The following PVR variants were observed in gnomAD, a reference collection of about 807,000 sequenced individuals.
The protein encoded by PVR is poliovirus receptor.
PVR carries 39 observed loss-of-function variants against 43.3 expected under a neutral mutation model. That is an observed-to-expected ratio of 0.90 (90% CI 0.70 to 1.18). PVR has a LOEUF of 1.18. PVR is among the 50% of genes most tolerant of loss of function. The pLI is 0.00. For synonymous variants in PVR, 224 were observed against 233.2 expected (o/e 0.96, Z 0.36); for missense variants, 480 against 549.7 (o/e 0.87, Z 1.27).
chr19:44,658,015 A>T, intron 5 of PVR, 105 bp downstream of exon 5: 2 of 1,268,772 alleles, frequency 1.6e-6, no homozygotes, highest in Non-Finnish European at 2.2e-6. Flanking sequence ...AAGCCTTCTC[A>T]CAAAAGGACC....
chr19:44,663,569 T>G lies in PVR; in HGVS notation c.*1758T>G, dbSNP rs1417467170. ...GCACCCAGAATCTCATTAAAGCTTA[T>G]TTATTGTACCTCCAGCGGCTGTGTG... is the stretch of plus-strand genomic sequence containing the variant. On this transcript the variant is annotated 3_prime_UTR_variant, in exon 8 of 8. Coordinates refer to ENST00000425690, the MANE Select transcript of PVR (RefSeq NM_006505.5). 2 of 152,166 alleles carry G rather than the reference T, an allele frequency of 1.3e-5. No homozygotes were observed. The highest frequency in any genetic ancestry group is 2.9e-5 in the Non-Finnish European group (2 of 68,044). 9.4% of individuals were successfully genotyped at this position (152,166 alleles called of 1,614,324 possible). A position where few individuals can be genotyped will look rare whatever the true frequency, so the allele number is the denominator to read the frequency against.
intron 6 of PVR, among the ~76,000 whole-genome samples, chr19:44,660,422 C>A (rs1410675092): frequency 3.3e-5 from 5 of 152,124 alleles, no homozygotes; most frequent in Non-Finnish European, 7.4e-5. Flanking sequence ...ACATGGTAAG[C>A]CACATACTGA....
chr19:44,650,547 C>T (rs1022294316), intron 3 of PVR, among the ~76,000 whole-genome samples: 9 of 150,906 alleles, frequency 6.0e-5, no homozygotes, highest in South Asian at 2.1e-4. Flanking sequence ...CTCCCTTGTC[C>T]TTTTCTTTCT....
rs1405112881 is a variant in PVR at position 44,645,078 on chromosome 19, A to C, written c.79+903A>C. ...ATAATATATATTATAGTAATATATA[A>C]TATATAATAAAATATATAATATATA... On this transcript the variant is annotated intron_variant, in intron 1 of 7. Coordinates refer to ENST00000425690, the MANE Select transcript of PVR (RefSeq NM_006505.5). Among the ~76,000 whole-genome samples the C allele has an allele frequency of 3.7e-4, 38 of 103,478 alleles. 2 individuals are homozygous for C. Among genetic ancestry groups the C allele is most frequent in the Non-Finnish European group, 8.8e-5 (5 of 57,032 alleles). The allele number at this position is 103,478 out of a possible 152,430, so 67.9% of individuals were successfully genotyped here. A position where few individuals can be genotyped will look rare whatever the true frequency, so the allele number is the denominator to read the frequency against.
At chr19:44,649,679 C>T (rs375584960) in intron 2 of PVR, 130 bp from the exon 3 acceptor site, 3 of 976,672 alleles carry the variant, frequency 3.1e-6, no homozygotes, top group Non-Finnish European at 4.6e-6. Flanking sequence ...CCTCAGCCCC[C>T]CAAAGTTCTG....
Position 44,657,769 on chromosome 19 carries a change from G to T in PVR, c.850G>T (p.Gly284Cys). The change falls in exon 5 of 8, where the codon GGT becomes TGT. Residue 284 changes from glycine (G) to cysteine (C), a missense_variant. Transcript: ENST00000425690. ...PTGYNWSTTM[G>C]PLPPFAVAQG... ...CCTTTCTGTCTCTCCCAGGACCATG[G>T]GTCCCCTGCCACCCTTTGCTGTGGC... is the stretch of plus-strand genomic sequence containing the variant. 6.2e-7 allele frequency: 1 copy of T among 1,614,064 alleles called. No individual in the cohort carries two copies. The highest frequency in any genetic ancestry group is 8.5e-7 in the Non-Finnish European group (1 of 1,179,960).
chr19:44,652,161 CAAGAA>C (rs1033331861), intron 3 of PVR, among the ~76,000 whole-genome samples: 1 of 152,110 alleles, frequency 6.6e-6, no homozygotes, highest in South Asian at 2.1e-4. Flanking sequence ...ATCTCAAAAA[CAAGAA>C]AAGAAAGAGA....
intron 1 of PVR, among the ~76,000 whole-genome samples, chr19:44,645,124 T>TATAATATATATTATGTAATA (rs368011348): frequency 0.024 from 1,432 of 59,742 alleles, 176 homozygotes; most frequent in South Asian, 0.066. Flanking sequence ...ATATAATATA[T>TATAATATATATTATGTAATA]TATAATATAT....
rs1162105276 is a variant in PVR, at chr19:44,664,682, A to C, written c.*2871A>C. The C allele has an allele frequency of 6.6e-6, 1 of 151,732 alleles. No individual in the cohort carries two copies. The highest frequency in any genetic ancestry group is 2.4e-5 in the African/African-American group (1 of 41,266). 9.4% of individuals were successfully genotyped at this position (151,732 alleles called of 1,614,324 possible). On this transcript the variant is annotated 3_prime_UTR_variant, in exon 8 of 8. Transcript: ENST00000425690. ...CTTTCACTATTACAATGTTGTAGTG[A>C]ATAACTTTACACACTGTCATTTATT...
Position 44,664,295 on chromosome 19 carries a change from A to T in PVR, c.*2484A>T, listed in dbSNP as rs1022117943. ...GTGATCATGGCTCATTGCAGCCTCG[A>T]CCTGCTGGGCTCGGGCTATCCTTCC... On this transcript the variant is annotated 3_prime_UTR_variant, in exon 8 of 8. Transcript: ENST00000425690. 5 of 151,768 alleles carry T rather than the reference A, an allele frequency of 3.3e-5. No individual in the cohort carries two copies. The highest frequency in any genetic ancestry group is 1.2e-4 in the African/African-American group (5 of 41,308). The allele number at this position is 151,768 out of a possible 1,614,324, so 9.4% of individuals were successfully genotyped here. A position where few individuals can be genotyped will look rare whatever the true frequency, so the allele number is the denominator to read the frequency against.
chr19:44,665,210 C>G lies in PVR; in HGVS notation c.*3399C>G, dbSNP rs897633278. On this transcript the variant is annotated 3_prime_UTR_variant, in exon 8 of 8. Coordinates refer to ENST00000425690, the MANE Select transcript of PVR (RefSeq NM_006505.5). Reference sequence around the variant, plus strand: ...GGAGGCTAAAACACTCCACACCCTCCCTCTGCATTGCTCCTGCACGGGAGT... The same window carrying G: ...GGAGGCTAAAACACTCCACACCCTCGCTCTGCATTGCTCCTGCACGGGAGT... 9.9e-4 allele frequency: 151 copies of G among 152,272 alleles called. No individual in the cohort carries two copies. Among genetic ancestry groups the G allele is most frequent in the Middle Eastern group, 3.4e-3 (1 of 294 alleles). The allele number at this position is 152,272 out of a possible 1,614,324, so 9.4% of individuals were successfully genotyped here. A position where few individuals can be genotyped will look rare whatever the true frequency, so the allele number is the denominator to read the frequency against.
intron 2 of PVR, among the ~76,000 whole-genome samples, chr19:44,649,539 C>G (rs1973220287): frequency 6.6e-6 from 1 of 150,774 alleles, no homozygotes; most frequent in African/African-American, 2.4e-5. Flanking sequence ...AAGCAATTCT[C>G]TGGTCTCAGC....
chr19:44,647,225 G>A lies in PVR; in HGVS notation c.82G>A (p.Asp28Asn). 6.5e-7 allele frequency: 1 copy of A among 1,538,184 alleles called. No homozygotes were observed. The highest frequency in any genetic ancestry group is 1.4e-5 in the African/African-American group (1 of 72,992). Residue 28 changes from aspartate to asparagine, a missense_variant and splice_region_variant, in exon 2 of 8, where the codon GAC becomes AAC. By Grantham distance (23) the Asp-to-Asn change is conservative. Coordinates refer to ENST00000425690, the MANE Select transcript of PVR (RefSeq NM_006505.5). ...ACCTTCTCTTCGGTTCTCCGCAGGG[G>A]ACGTCGTCGTGCAGGCGCCCACCCA... Reference protein sequence around the residue: ...VLSWPPPGTGDVVVQAPTQVP... With the variant: ...VLSWPPPGTGNVVVQAPTQVP...
chr19:44,660,893 G>A (rs1484462834), intron 6 of PVR, among the ~76,000 whole-genome samples: 2 of 152,158 alleles, frequency 1.3e-5, no homozygotes, highest in Non-Finnish European at 2.9e-5. Context: ...CTGGCACAAA[G>A]TAGACATTCA....
At chr19:44,660,956 T>A (rs910462258) in intron 6 of PVR, among the ~76,000 whole-genome samples, 2 of 152,206 alleles carry the variant, frequency 1.3e-5, no homozygotes, top group Admixed American at 1.3e-4. Flanking sequence ...TTGAATAGTC[T>A]AGGAAACTGA....
At chr19:44,648,825 T>C (rs1306223724) in intron 2 of PVR, among the ~76,000 whole-genome samples, 1 of 152,154 alleles carries the variant, frequency 6.6e-6, no homozygotes, top group Non-Finnish European at 1.5e-5. Context: ...GGATTCTGGG[T>C]ATCATGGTTT....
At chr19:44,658,973 T>A in intron 6 of PVR, 73 bp downstream of exon 6, 1 of 1,435,926 alleles carries the variant, frequency 7.0e-7, no homozygotes, top group Non-Finnish European at 9.6e-7. Context: ...AGTGTGCCTC[T>A]CACTGAATCC....
rs1298336599 is a variant in PVR, at chr19:44,663,407, TG to T, written c.*1600del. 6.6e-6 allele frequency: 1 copy of T among 151,970 alleles called. No individual in the cohort carries two copies. Among genetic ancestry groups the T allele is most frequent in the African/African-American group, 2.4e-5 (1 of 41,292 alleles). The allele number at this position is 151,970 out of a possible 1,614,324, so 9.4% of individuals were successfully genotyped here. On this transcript the variant is annotated 3_prime_UTR_variant, in exon 8 of 8. Transcript: ENST00000425690. ...TGGAAGAGCCGGGAACAGAGAAGTG[TG>T]GGGAAGAGATAGGAACCAGCAGGAT...
rs572396916 is a variant in PVR, at chr19:44,653,417, G to A, written c.725-483G>A. ...AGATCTACACTGACTCCTACCCCTC[G>A]CCCCCGAATAAAACCCTGTCCCATT... On this transcript the variant is annotated intron_variant, in intron 3 of 7. Transcript: ENST00000425690. Among the ~76,000 whole-genome samples the A allele has an allele frequency of 4.6e-5, 7 of 152,130 alleles. No individual in the cohort carries two copies. The South Asian group carries it at 1.5e-3, about 32-fold the overall frequency.
Sources: allele counts gnomAD v4.1 joint callset (sites outside exome capture counted in the v4.1 genomes callset), GRCh38; gene constraint gnomAD v4.1.1; transcripts MANE v1.5; gene names NCBI Gene and HGNC (gene_info 2026-07-23, HGNC 2026-07-21).